Variants in DCC observed in about 807,000 individuals in gnomAD.
The protein encoded by DCC is DCC netrin 1 receptor, also known as netrin receptor DCC.
DCC carries 58 observed loss-of-function variants against 172.5 expected under a neutral mutation model. The observed-to-expected ratio is 0.34, with a 90% CI of 0.27 to 0.42. DCC has a LOEUF of 0.42. Among genes scored for constraint, DCC ranks in the 10% least tolerant of loss-of-function variants. The probability of loss-of-function intolerance (pLI) is 1.00; values close to 1 mark genes in which losing one functional copy is unlikely to be tolerated. For synonymous variants in DCC, 709 were observed against 644.5 expected (o/e 1.10, Z -1.52); for missense variants, 1,740 against 1,791.0 (o/e 0.97, Z 0.51).
intron 7 of DCC, among the ~76,000 whole-genome samples, chr18:53,151,911 T>G (rs1198999834): frequency 6.6e-6 from 1 of 152,122 alleles, no homozygotes; most frequent in Admixed American, 6.5e-5. Context: ...CTTTATGAAC[T>G]GTAAAAACTT....
intron 2 of DCC, among the ~76,000 whole-genome samples, chr18:52,810,247 G>A (rs1050316380): frequency 6.6e-6 from 1 of 152,150 alleles, no homozygotes; most frequent in Admixed American, 6.5e-5. Context: ...TGCAGATAGA[G>A]ACATCTAAGG....
chr18:52,840,078 G>A (rs993136902), intron 2 of DCC, among the ~76,000 whole-genome samples: 1 of 152,110 alleles, frequency 6.6e-6, no homozygotes, highest in African/African-American at 2.4e-5. Context: ...ATTTCTAGAA[G>A]GCTCCCAGGG....
chr18:52,465,816 TA>T (rs1205860739), intron 1 of DCC, among the ~76,000 whole-genome samples: 3 of 150,346 alleles, frequency 2.0e-5, no homozygotes, highest in Non-Finnish European at 4.4e-5. Flanking sequence ...TGGGTCACAA[TA>T]ACAAGAGAAA....
intron 13 of DCC, among the ~76,000 whole-genome samples, chr18:53,321,671 T>C (rs953335044): frequency 6.6e-6 from 1 of 152,222 alleles, no homozygotes; most frequent in African/African-American, 2.4e-5. Context: ...GAATGAATGA[T>C]GGAGACATAA....
At chr18:53,497,495 G>A (rs902867094) in intron 26 of DCC, among the ~76,000 whole-genome samples, 1 of 152,190 alleles carries the variant, frequency 6.6e-6, no homozygotes, top group Non-Finnish European at 1.5e-5. Context: ...TTTCAGGCCA[G>A]TGCCACAAAG....
At position 52,936,414 on chromosome 18, in the gene DCC, A is replaced by G. The variant is rs191149117; in HGVS notation, c.985+11044A>G. Among the ~76,000 whole-genome samples the G allele has an allele frequency of 2.1e-4, 26 of 121,704 alleles. 8 individuals are homozygous for G. Among genetic ancestry groups the G allele is most frequent in the Admixed American group, 7.8e-5 (1 of 12,758 alleles). The allele number at this position is 121,704 out of a possible 152,430, so 79.8% of individuals were successfully genotyped here. ...GTAGGATAGGTTTATTTATTACACAAATATTTATTTGAGAGTCTACTGTGT... is the reference window on the plus strand; with the variant it reads ...GTAGGATAGGTTTATTTATTACACAGATATTTATTTGAGAGTCTACTGTGT... On this transcript the variant is annotated intron_variant, in intron 5 of 28. Coordinates refer to ENST00000442544, the MANE Select transcript of DCC (RefSeq NM_005215.4).
intron 24 of DCC, 107 bp from the exon 25 acceptor site, chr18:53,467,787 T>A (rs1349962883): frequency 1.3e-6 from 1 of 769,832 alleles, no homozygotes; most frequent in Non-Finnish European, 2.4e-6. Context: ...GATACTATCA[T>A]AGAAAGCATC....
chr18:52,694,372 T>TA (rs559324587), intron 1 of DCC, among the ~76,000 whole-genome samples: 2 of 151,842 alleles, frequency 1.3e-5, no homozygotes, highest in South Asian at 2.1e-4. Flanking sequence ...AAAACTGGTG[T>TA]AAAAAAATGT....
intron 2 of DCC, among the ~76,000 whole-genome samples, chr18:52,854,539 G>C (rs2039022604): frequency 6.6e-6 from 1 of 152,112 alleles, no homozygotes; most frequent in Non-Finnish European, 1.5e-5. Context: ...AAAATATTTT[G>C]AAAGTAAGTA....
intron 3 of DCC, among the ~76,000 whole-genome samples, chr18:52,913,185 T>C (rs1317500016): frequency 2.0e-5 from 3 of 152,070 alleles, no homozygotes; most frequent in Non-Finnish European, 4.4e-5. Flanking sequence ...TTAGTTATAG[T>C]AGGTCAGGTC....
chr18:52,927,262 C>T (rs115313384), intron 5 of DCC, among the ~76,000 whole-genome samples: 2,175 of 148,730 alleles, frequency 0.015, 44 homozygotes, highest in African/African-American at 0.038. Context: ...CACATATATG[C>T]ACATATATAC....
intron 1 of DCC, among the ~76,000 whole-genome samples, chr18:52,601,930 A>G (rs2034026444): frequency 6.6e-6 from 1 of 152,030 alleles, no homozygotes; most frequent in African/African-American, 2.4e-5. Context: ...CTTCAAATAA[A>G]TTGATGACTT....
At chr18:53,420,664 C>T (rs1910598638) in intron 21 of DCC, among the ~76,000 whole-genome samples, 2 of 152,040 alleles carry the variant, frequency 1.3e-5, no homozygotes, top group South Asian at 4.1e-4. Context: ...GACACTAATC[C>T]TATTGGATTG....
At chr18:52,869,990 G>A (rs2039292670) in intron 2 of DCC, among the ~76,000 whole-genome samples, 1 of 152,138 alleles carries the variant, frequency 6.6e-6, no homozygotes, top group Admixed American at 6.5e-5. Flanking sequence ...CCTGGGGTGG[G>A]GGCTCCAGGT....
At chr18:52,814,576 A>G (rs1473895740) in intron 2 of DCC, among the ~76,000 whole-genome samples, 2 of 152,252 alleles carry the variant, frequency 1.3e-5, no homozygotes, top group African/African-American at 2.4e-5. Flanking sequence ...AAGATAGAAA[A>G]TAAAGATTGC....
At chr18:53,371,211 G>A (rs1355830241) in intron 15 of DCC, among the ~76,000 whole-genome samples, 1 of 151,846 alleles carries the variant, frequency 6.6e-6, no homozygotes, top group Non-Finnish European at 1.5e-5. Flanking sequence ...AAAATGACAA[G>A]ATCATCTGTC....
intron 1 of DCC, among the ~76,000 whole-genome samples, chr18:52,463,688 C>A (rs964085108): frequency 6.6e-6 from 1 of 152,112 alleles, no homozygotes; most frequent in East Asian, 1.9e-4. Flanking sequence ...ATTAACTGGA[C>A]TGGCATTTTT....
chr18:52,688,471 T>TA (rs2035877099), intron 1 of DCC, among the ~76,000 whole-genome samples: 1 of 152,090 alleles, frequency 6.6e-6, no homozygotes, highest in Non-Finnish European at 1.5e-5. Flanking sequence ...GTCTTTTATC[T>TA]AAAAATGCTA....
intron 5 of DCC, among the ~76,000 whole-genome samples, chr18:53,023,241 C>A (rs1272987205): frequency 6.6e-6 from 1 of 151,036 alleles, no homozygotes; most frequent in Non-Finnish European, 1.5e-5. Flanking sequence ...CAAGATTCTT[C>A]TAAGAATATA....
Sources: allele counts gnomAD v4.1 joint callset (sites outside exome capture counted in the v4.1 genomes callset), GRCh38; gene constraint gnomAD v4.1.1; transcripts MANE v1.5; gene names NCBI Gene and HGNC (gene_info 2026-07-23, HGNC 2026-07-21).